RETREG1: variants seen among roughly 807,000 people sequenced by gnomAD.
RETREG1 encodes family with sequence similarity 134 member B.
In RETREG1, 44 loss-of-function variants were observed where a neutral mutation model predicts 54.8. The observed-to-expected ratio is 0.80, with a 90% CI of 0.63 to 1.03. The LOEUF is 1.03. Among genes scored for constraint, RETREG1 ranks in the 50% least tolerant of loss-of-function variants. The pLI, the probability that RETREG1 is intolerant of heterozygous loss-of-function variation, is 0.00. For synonymous variants in RETREG1, 217 were observed against 238.5 expected (o/e 0.91, Z 0.83); for missense variants, 554 against 605.1 (o/e 0.92, Z 0.89).
chr5:16,523,983 G>C (rs371646797), intron 3 of RETREG1, among the ~76,000 whole-genome samples: 2 of 151,988 alleles, frequency 1.3e-5, no homozygotes, highest in African/African-American at 4.8e-5. Flanking sequence ...CTGCCTCAGC[G>C]CCCCTCTCTG....
chr5:16,519,344 T>C (rs552657594), intron 3 of RETREG1, among the ~76,000 whole-genome samples: 3 of 152,276 alleles, frequency 2.0e-5, no homozygotes, highest in African/African-American at 7.2e-5. Context: ...CAGGTTTAAA[T>C]GGGGGCAGGT....
chr5:16,565,878 A>T, intron 2 of RETREG1, 85 bp from the exon 3 acceptor site: 1 of 1,413,572 alleles, frequency 7.1e-7, no homozygotes, highest in East Asian at 2.4e-5. Flanking sequence ...AGTCCAAGCT[A>T]TTTAAAGTGG....
At chr5:16,508,370 G>T (rs530541130) in intron 3 of RETREG1, among the ~76,000 whole-genome samples, 13 of 152,206 alleles carry the variant, frequency 8.5e-5, no homozygotes, top group African/African-American at 3.1e-4. Context: ...GCACTTATTG[G>T]CATAAGTTTT....
In RETREG1 at chr5:16,594,839, GTGT is replaced by G. The variant is rs1742855564; in HGVS notation, c.320+21810_320+21812del. On this transcript the variant is annotated intron_variant, in intron 1 of 8. Coordinates refer to ENST00000306320, the MANE Select transcript of RETREG1 (RefSeq NM_001034850.3). This position sits in a 1 kb window ranked among gnomAD's most constrained non-coding sequence, Gnocchi z 4.4. The stretch of plus-strand genomic sequence containing the variant: ...GTGACAGATGACATAATGATGCAAG[GTGT>G]TGTTTTCAATTTATCCAGAAGGTAT... Among the ~76,000 whole-genome samples, 1 of 152,218 alleles carries G rather than the reference GTGT, an allele frequency of 6.6e-6. No individual in the cohort carries two copies. The highest frequency in any genetic ancestry group is 1.9e-4 in the East Asian group (1 of 5,196).
chr5:16,582,114 T>C (rs1335684635), intron 1 of RETREG1, among the ~76,000 whole-genome samples: 1 of 152,248 alleles, frequency 6.6e-6, no homozygotes, highest in Non-Finnish European at 1.5e-5. Context: ...TTCTATGCTA[T>C]ACATAAATAC....
At chr5:16,488,853 G>A (rs534810699) in intron 3 of RETREG1, among the ~76,000 whole-genome samples, 1 of 152,010 alleles carries the variant, frequency 6.6e-6, no homozygotes, top group Admixed American at 6.5e-5. Context: ...GGGAGGCCGA[G>A]GTGGGCAGAT....
At chr5:16,491,878 G>GAAGA (rs1373296505) in intron 3 of RETREG1, among the ~76,000 whole-genome samples, 1 of 152,072 alleles carries the variant, frequency 6.6e-6, no homozygotes, top group African/African-American at 2.4e-5. Context: ...GGAAAGAAAG[G>GAAGA]AAGAAAGAAA....
rs556200438 is a variant in RETREG1 at position 16,519,148 on chromosome 5, T to C, written c.459-35676A>G. Among the ~76,000 whole-genome samples the C allele has an allele frequency of 2.6e-5, 4 of 152,284 alleles. No homozygotes were observed. The South Asian group carries it at 8.3e-4, about 32-fold the overall frequency. On this transcript the variant is annotated intron_variant, in intron 3 of 8. Coordinates refer to ENST00000306320, the MANE Select transcript of RETREG1 (RefSeq NM_001034850.3). ...ATGACAATCTGACGAATGATGACTA[T>C]GTGCACCCCGCTGCTGAGGAAGAGA...
rs1742843565 is a variant in RETREG1, at chr5:16,594,230, G to A, written c.321-22128C>T. On this transcript the variant is annotated intron_variant, in intron 1 of 8. Coordinates refer to ENST00000306320, the MANE Select transcript of RETREG1 (RefSeq NM_001034850.3). The surrounding 1 kb of genome is among the most constrained non-coding windows in gnomAD (Gnocchi z 4.4). The stretch of plus-strand genomic sequence containing the variant: ...TACAAGGGTGCTGAACCTTTTGGCT[G>A]TATTCAGTGATACGATTAAGAATCA... 6.6e-6 allele frequency among the ~76,000 whole-genome samples: 1 copy of A among 152,184 alleles called. No individual in the cohort carries two copies. Among genetic ancestry groups the A allele is most frequent in the Non-Finnish European group, 1.5e-5 (1 of 68,024 alleles).
At position 16,587,697 on chromosome 5, in the gene RETREG1, C is replaced by T. The variant is rs1423192786; in HGVS notation, c.321-15595G>A. 8.5e-5 allele frequency among the ~76,000 whole-genome samples: 13 copies of T among 152,118 alleles called. No homozygotes were observed. In the East Asian group the frequency reaches 2.5e-3, roughly 29 times the overall value. On this transcript the variant is annotated intron_variant, in intron 1 of 8. Transcript: ENST00000306320. ...ACAGTTCTGAGATTGATGGCATTGC[C>T]ACAGCTGTAGAAGATGATTTTGCTT...
chr5:16,528,751 A>G (rs1740815835), intron 3 of RETREG1, among the ~76,000 whole-genome samples: 1 of 152,088 alleles, frequency 6.6e-6, no homozygotes, highest in African/African-American at 2.4e-5. Context: ...ACTGCTTGAC[A>G]TATTAAAACG....
At chr5:16,582,328 G>T (rs918199048) in intron 1 of RETREG1, among the ~76,000 whole-genome samples, 1 of 152,080 alleles carries the variant, frequency 6.6e-6, no homozygotes, top group Non-Finnish European at 1.5e-5. Context: ...GGCTTGTGAT[G>T]ACCACGGCCT....
rs1218241370 is a variant in RETREG1, at chr5:16,616,815, C to A, written c.157G>T (p.Ala53Ser). ...EAQEAGAAEG[A>S]GLQVEEAAGR... ...GCGGCCTCCTCCACCTGCAACCCCG[C>A]GCCCTCCGCCGCCCCAGCTTCCTGC... Residue 53 changes from alanine (A) to serine (S), a missense_variant, in exon 1 of 9, where the codon GCG becomes TCG. Physicochemically the swap from Ala to Ser is moderately conservative, Grantham distance 99. Around this residue, in one of 4 missense-constraint regions of RETREG1, gnomAD observed 175 missense variants for 142.1 expected, o/e 1.23. Transcript: ENST00000306320. 6.6e-7 allele frequency: 1 copy of A among 1,517,600 alleles called. No individual in the cohort carries two copies. Among genetic ancestry groups the A allele is most frequent in the African/African-American group, 1.4e-5 (1 of 69,988 alleles). 94.0% of individuals were successfully genotyped at this position (1,517,600 alleles called of 1,614,324 possible). A position where few individuals can be genotyped will look rare whatever the true frequency, so the allele number is the denominator to read the frequency against.
chr5:16,474,610 G>A lies in RETREG1; in HGVS notation c.*131C>T, dbSNP rs1230162308. 9.0e-7 allele frequency: 1 copy of A among 1,117,006 alleles called. No homozygotes were observed. Among genetic ancestry groups the A allele is most frequent in the African/African-American group, 1.6e-5 (1 of 62,578 alleles). 69.2% of individuals were successfully genotyped at this position (1,117,006 alleles called of 1,614,324 possible). A position where few individuals can be genotyped will look rare whatever the true frequency, so the allele number is the denominator to read the frequency against. ...ATATCCAATTAATTCACTGCAGGAG[G>A]GAAAATAAAACAAATCTAAAGTAAT... is the stretch of plus-strand genomic sequence containing the variant. On this transcript the variant is annotated 3_prime_UTR_variant, in exon 9 of 9. Coordinates refer to ENST00000306320, the MANE Select transcript of RETREG1 (RefSeq NM_001034850.3).
At chr5:16,528,801 T>A (rs1290050481) in intron 3 of RETREG1, among the ~76,000 whole-genome samples, 1 of 152,184 alleles carries the variant, frequency 6.6e-6, no homozygotes, top group East Asian at 1.9e-4. Context: ...AGACAGGAAC[T>A]ATGTTCAGCT....
At chr5:16,573,127 A>G (rs1222016930) in intron 1 of RETREG1, among the ~76,000 whole-genome samples, 1 of 131,694 alleles carries the variant, frequency 7.6e-6, no homozygotes, top group Admixed American at 9.1e-5. Context: ...GGTTGCAGTG[A>G]GCCAAGATCG....
chr5:16,483,903 T>A (rs1000601432), intron 3 of RETREG1, among the ~76,000 whole-genome samples: 1 of 151,976 alleles, frequency 6.6e-6, no homozygotes, highest in Non-Finnish European at 1.5e-5. Flanking sequence ...AAGAAAAACA[T>A]GTGAAGCTGG....
At position 16,585,240 on chromosome 5, in the gene RETREG1, A is replaced by G. The variant is rs1240648; in HGVS notation, c.321-13138T>C. 0.96 allele frequency among the ~76,000 whole-genome samples: 145,842 copies of G among 152,246 alleles called. 69,948 individuals are homozygous for G. The highest frequency in any genetic ancestry group is 1 in the East Asian group (5,146 of 5,156). ...GGGAATGTGCCCAGGTCAGCAAGGC[A>G]TGGTGGACAAACAGATAAGACAGTG... On this transcript the variant is annotated intron_variant, in intron 1 of 8. Coordinates refer to ENST00000306320, the MANE Select transcript of RETREG1 (RefSeq NM_001034850.3). This position sits in a 1 kb window ranked among gnomAD's most constrained non-coding sequence, Gnocchi z 4.5.
chr5:16,488,750 A>T (rs1739121256), intron 3 of RETREG1, among the ~76,000 whole-genome samples: 1 of 152,196 alleles, frequency 6.6e-6, no homozygotes, highest in Admixed American at 6.5e-5. Context: ...GAGAATAATC[A>T]GTCCTAAACT....
Sources: allele counts gnomAD v4.1 joint callset (sites outside exome capture counted in the v4.1 genomes callset), GRCh38; gene constraint gnomAD v4.1.1; regional missense constraint gnomAD v4.1.1; non-coding constraint Gnocchi (gnomAD v3.1); transcripts MANE v1.5; gene names NCBI Gene and HGNC (gene_info 2026-07-23, HGNC 2026-07-21).